ZNF354B: variants seen among roughly 807,000 people sequenced by gnomAD.
The protein encoded by ZNF354B is zinc finger protein 354B.
In ZNF354B, 10 loss-of-function variants were observed where a neutral mutation model predicts 12.9. The ratio of observed to expected loss-of-function variants is 0.77; its 90% CI spans 0.48 to 1.31. The LOEUF is 1.31. ZNF354B is among the 40% of genes most tolerant of loss of function. ZNF354B has a pLI of 0.00. For synonymous variants in ZNF354B, 260 were observed against 243.7 expected (o/e 1.07, Z -0.62); for missense variants, 614 against 711.7 (o/e 0.86, Z 1.56).
At chr5:178,881,827 A>G (rs1037548252) in intron 4 of ZNF354B, among the ~76,000 whole-genome samples, 3 of 152,182 alleles carry the variant, frequency 2.0e-5, no homozygotes, top group Non-Finnish European at 4.4e-5. Context: ...TATTTTTAGT[A>G]GAGATGGGGT....
intron 4 of ZNF354B, among the ~76,000 whole-genome samples, chr5:178,876,317 C>T (rs1289637630): frequency 2.6e-5 from 4 of 152,206 alleles, no homozygotes; most frequent in Non-Finnish European, 5.9e-5. Flanking sequence ...GGCAGCTGTG[C>T]ACTTCCTGGA....
chr5:178,882,536 T>C (rs974242421), intron 4 of ZNF354B, among the ~76,000 whole-genome samples, 173 bp from the exon 5 acceptor site: 5 of 152,234 alleles, frequency 3.3e-5, no homozygotes, highest in Non-Finnish European at 7.3e-5. Flanking sequence ...TATTCATTTG[T>C]TCACTTATCA....
intron 4 of ZNF354B, among the ~76,000 whole-genome samples, chr5:178,870,472 G>A (rs543932910): frequency 2.6e-5 from 4 of 152,276 alleles, no homozygotes; most frequent in Admixed American, 1.3e-4. Flanking sequence ...TAGAGACCGC[G>A]TTTTGCCATG....
intron 2 of ZNF354B, among the ~76,000 whole-genome samples, chr5:178,863,506 C>T (rs528639072): frequency 6.6e-6 from 1 of 152,308 alleles, no homozygotes; most frequent in Admixed American, 6.5e-5. Context: ...ACCTACCATG[C>T]AGCCTGCCAG....
At chr5:178,875,224 G>T (rs931403786) in intron 4 of ZNF354B, among the ~76,000 whole-genome samples, 2 of 152,172 alleles carry the variant, frequency 1.3e-5, no homozygotes, top group Non-Finnish European at 2.9e-5. Context: ...GGTGATCTTG[G>T]TTTATGTTCG....
intron 2 of ZNF354B, among the ~76,000 whole-genome samples, chr5:178,863,059 C>T (rs1757385668): frequency 6.6e-6 from 1 of 152,172 alleles, no homozygotes; most frequent in Non-Finnish European, 1.5e-5. Context: ...TATGCAGATA[C>T]ACAGTGGTTC....
In ZNF354B at chr5:178,883,358, A is replaced by G; in HGVS notation, c.906A>G (p.Glu302=). Residue 302 remains glutamate (E), a synonymous_variant, in exon 5 of 5, where the codon GAA becomes GAG. Coordinates refer to ENST00000322434, the MANE Select transcript of ZNF354B (RefSeq NM_058230.3). ...HTVEKCYRCK[E]CGKSFSRRSG... is the part of the protein sequence containing the mutation. The stretch of plus-strand genomic sequence containing the variant: ...TGGAGAAATGCTATAGATGTAAAGA[A>G]TGTGGTAAATCCTTCAGTCGAAGGT... 6.2e-7 allele frequency: 1 copy of G among 1,614,128 alleles called. No homozygotes were observed. Among genetic ancestry groups the G allele is most frequent in the Non-Finnish European group, 8.5e-7 (1 of 1,179,988 alleles).
chr5:178,862,716 TG>T (rs1387551218), intron 2 of ZNF354B, among the ~76,000 whole-genome samples: 1 of 152,212 alleles, frequency 6.6e-6, no homozygotes, highest in East Asian at 1.9e-4. Context: ...GCTGAGGGTG[TG>T]GCCAGAACAG....
chr5:178,868,279 C>T (rs1757495623), intron 4 of ZNF354B, among the ~76,000 whole-genome samples: 1 of 149,168 alleles, frequency 6.7e-6, no homozygotes, highest in Admixed American at 6.7e-5. Context: ...TTTCAGGAAA[C>T]AGCATTTGCG....
intron 4 of ZNF354B, among the ~76,000 whole-genome samples, chr5:178,873,583 G>A (rs901992415): frequency 3.2e-4 from 48 of 151,908 alleles, no homozygotes; most frequent in Non-Finnish European, 4.6e-4. Flanking sequence ...TCACTTGGGC[G>A]TGTTGGGTTG....
chr5:178,873,822 C>G (rs1757596557), intron 4 of ZNF354B, among the ~76,000 whole-genome samples: 1 of 152,052 alleles, frequency 6.6e-6, no homozygotes, highest in African/African-American at 2.4e-5. Flanking sequence ...TGCAGTAAAC[C>G]TGTATATCAA....
chr5:178,873,736 C>T (rs969983346), intron 4 of ZNF354B, among the ~76,000 whole-genome samples: 1 of 152,088 alleles, frequency 6.6e-6, no homozygotes, highest in African/African-American at 2.4e-5. Context: ...GTTTTATCTA[C>T]TGTAGTTCTT....
chr5:178,868,737 C>G (rs113556010), intron 4 of ZNF354B, among the ~76,000 whole-genome samples: 2 of 151,974 alleles, frequency 1.3e-5, no homozygotes. Flanking sequence ...CTTTGGGAGG[C>G]CGAGGCGGGC....
intron 4 of ZNF354B, among the ~76,000 whole-genome samples, chr5:178,880,519 A>T (rs1454764650): frequency 3.6e-5 from 5 of 140,110 alleles, no homozygotes; most frequent in African/African-American, 1.1e-4. Flanking sequence ...TTTTTTTTTT[A>T]AAGACAGGGT....
chr5:178,876,269 G>T (rs1187769966), intron 4 of ZNF354B, among the ~76,000 whole-genome samples: 1 of 152,232 alleles, frequency 6.6e-6, no homozygotes, highest in African/African-American at 2.4e-5. Flanking sequence ...AGTGGAAATG[G>T]GGACCCGTGT....
chr5:178,865,788 A>G (rs535578414), intron 2 of ZNF354B, among the ~76,000 whole-genome samples: 133 of 152,286 alleles, frequency 8.7e-4, no homozygotes, highest in Non-Finnish European at 1.5e-3. Flanking sequence ...GAATCAGCAC[A>G]CAGGTAGTGC....
chr5:178,879,315 A>G (rs1757684513), intron 4 of ZNF354B, among the ~76,000 whole-genome samples: 1 of 152,090 alleles, frequency 6.6e-6, no homozygotes. Context: ...CCAAAGTGCT[A>G]GGATTACAGA....
rs147942781 is a variant in ZNF354B at position 178,880,410 on chromosome 5, G to A, written c.257-2299G>A. 4.7e-3 allele frequency among the ~76,000 whole-genome samples: 713 copies of A among 151,698 alleles called. 5 individuals carry two copies. The highest frequency in any genetic ancestry group is 0.016 in the African/African-American group (671 of 41,376). The stretch of plus-strand genomic sequence containing the variant: ...AGATGGGGTTTCACTGTGTTGGCCA[G>A]GATGGTCTCGATCTCCTGACCTTGT... On this transcript the variant is annotated intron_variant, in intron 4 of 4. Coordinates refer to ENST00000322434, the MANE Select transcript of ZNF354B (RefSeq NM_058230.3).
chr5:178,870,169 A>G (rs1414363916), intron 4 of ZNF354B, among the ~76,000 whole-genome samples: 1 of 152,142 alleles, frequency 6.6e-6, no homozygotes, highest in Non-Finnish European at 1.5e-5. Flanking sequence ...AAAAGAAAAA[A>G]AATATTTTAG....
Sources: gnomAD v4.1 joint callset for allele counts (sites outside exome capture counted in the v4.1 genomes callset) on GRCh38, gnomAD v4.1.1 for gene constraint, MANE v1.5 for transcripts, NCBI Gene and HGNC (gene_info 2026-07-23, HGNC 2026-07-21) for gene names.